The following SRP72 variants were observed in gnomAD, a reference collection of about 807,000 sequenced individuals.
SRP72 encodes signal recognition particle 72.
SRP72 carries 49 observed loss-of-function variants against 96.3 expected under a neutral mutation model. The observed-to-expected ratio is 0.51, with a 90% confidence interval of 0.40 to 0.65. The LOEUF is 0.65. SRP72 is among the 30% of genes least tolerant of loss of function. The probability of loss-of-function intolerance (pLI) is 0.00; values close to 1 mark genes in which losing one functional copy is unlikely to be tolerated. For synonymous variants in SRP72, 267 were observed against 275.2 expected (o/e 0.97, Z 0.30); for missense variants, 736 against 793.3 (o/e 0.93, Z 0.87).
rs1223010513 is a variant in SRP72 at position 56,502,473 on chromosome 4, ATATATATATG to A, written c.*622_*631del. On this transcript the variant is annotated 3_prime_UTR_variant, in exon 19 of 19. Coordinates refer to ENST00000642900, the MANE Select transcript of SRP72 (RefSeq NM_006947.4). ...TGGGATACTTTTCATGTTTATATAT[ATATATATATG>A]TATATATATATACATATATATATAT... The A allele has an allele frequency of 4.8e-5, 5 of 104,914 alleles. No individual in the cohort carries two copies. The highest frequency in any genetic ancestry group is 2.9e-4 in the South Asian group (1 of 3,478). The allele number at this position is 104,914 out of a possible 1,614,324, so 6.5% of individuals were successfully genotyped here. A position where few individuals can be genotyped will look rare whatever the true frequency, so the allele number is the denominator to read the frequency against.
chr4:56,482,606 C>T (rs1720546930), intron 8 of SRP72, among the ~76,000 whole-genome samples: 1 of 152,108 alleles, frequency 6.6e-6, no homozygotes, highest in African/African-American at 2.4e-5. Flanking sequence ...AGTCTGGAAC[C>T]AAACACGAAA....
At chr4:56,478,199 T>C (rs1404037184) in intron 6 of SRP72, among the ~76,000 whole-genome samples, 180 bp from the exon 7 acceptor site, 1 of 151,690 alleles carries the variant, frequency 6.6e-6, no homozygotes, top group Non-Finnish European at 1.5e-5. Context: ...AGTTGAAGTC[T>C]TTTTGCTGTT....
At chr4:56,479,718 CA>C in intron 8 of SRP72, among the ~76,000 whole-genome samples, 1 of 150,612 alleles carries the variant, frequency 6.6e-6, no homozygotes, top group South Asian at 2.1e-4. Context: ...CTGGGCTCAA[CA>C]AATCCTCCTG....
intron 17 of SRP72, among the ~76,000 whole-genome samples, 183 bp downstream of exon 17, chr4:56,495,577 C>T (rs1280881037): frequency 6.6e-6 from 1 of 152,140 alleles, no homozygotes; most frequent in Non-Finnish European, 1.5e-5. Context: ...CACTAGTTTG[C>T]CTAAATTCAA....
intron 17 of SRP72, among the ~76,000 whole-genome samples, 184 bp downstream of exon 17, chr4:56,495,578 C>T (rs1000599939): frequency 6.6e-6 from 1 of 152,078 alleles, no homozygotes; most frequent in Admixed American, 6.6e-5. Context: ...ACTAGTTTGC[C>T]TAAATTCAAA....
chr4:56,474,006 A>G (rs370497406), intron 3 of SRP72, 48 bp from the exon 4 acceptor site: 7 of 1,578,714 alleles, frequency 4.4e-6, no homozygotes, highest in South Asian at 1.2e-5. Flanking sequence ...TATTAAAGAC[A>G]TAACACCATA....
At chr4:56,471,419 A>G (rs1719968679) in intron 2 of SRP72, among the ~76,000 whole-genome samples, 1 of 152,250 alleles carries the variant, frequency 6.6e-6, no homozygotes, top group Non-Finnish European at 1.5e-5. Context: ...TTATCTTTGT[A>G]TCTAAGACAA....
chr4:56,478,437 A>G lies in SRP72; in HGVS notation c.701A>G (p.Tyr234Cys), dbSNP rs542410206. 1 of 1,613,694 alleles carries G rather than the reference A, an allele frequency of 6.2e-7. No homozygotes were observed. The highest frequency in any genetic ancestry group is 1.1e-5 in the South Asian group (1 of 91,052). Residue 234 changes from tyrosine to cysteine, a missense_variant, in exon 7 of 19, where the codon TAT becomes TGT. Transcript: ENST00000642900. ...GCCATCATTCATGGTCAGATGGCTT[A>G]TATTCTGCAGCTTCAGGGTCGAACA... is the stretch of plus-strand genomic sequence containing the variant. ...ELAIIHGQMA[Y>C]ILQLQGRTEE... is the part of the protein sequence containing the mutation.
At position 56,503,384 on chromosome 4, in the gene SRP72, C is replaced by T. The variant is rs1175294584; in HGVS notation, c.*1523C>T. On this transcript the variant is annotated 3_prime_UTR_variant, in exon 19 of 19. Transcript: ENST00000642900. Reference sequence around the variant, plus strand: ...CATCATTGAAAATTTTGACCCAAGGCACAGCAGTGAAATTTATAGTTCTCA... The same window carrying T: ...CATCATTGAAAATTTTGACCCAAGGTACAGCAGTGAAATTTATAGTTCTCA... The T allele has an allele frequency of 2.0e-5, 3 of 152,168 alleles. No individual in the cohort carries two copies. Among genetic ancestry groups the T allele is most frequent in the Non-Finnish European group, 4.4e-5 (3 of 68,036 alleles). The allele number at this position is 152,168 out of a possible 1,614,324, so 9.4% of individuals were successfully genotyped here. A position where few individuals can be genotyped will look rare whatever the true frequency, so the allele number is the denominator to read the frequency against.
At chr4:56,482,342 G>A (rs1439135772) in intron 8 of SRP72, among the ~76,000 whole-genome samples, 1 of 151,646 alleles carries the variant, frequency 6.6e-6, no homozygotes, top group Non-Finnish European at 1.5e-5. Flanking sequence ...CAGCTACTCG[G>A]GAGACTGAGG....
In SRP72 at chr4:56,502,032, T is replaced by G; in HGVS notation, c.*171T>G. On this transcript the variant is annotated 3_prime_UTR_variant, in exon 19 of 19. Coordinates refer to ENST00000642900, the MANE Select transcript of SRP72 (RefSeq NM_006947.4). Reference sequence around the variant, plus strand: ...CTTCCTCAAAGTCTGCCTAGTGAGATATGGCCTACTGGTTGCCTCATAGCT... The same window carrying G: ...CTTCCTCAAAGTCTGCCTAGTGAGAGATGGCCTACTGGTTGCCTCATAGCT... 1.4e-6 allele frequency: 1 copy of G among 701,764 alleles called. No homozygotes were observed. Among genetic ancestry groups the G allele is most frequent in the Non-Finnish European group, 2.4e-6 (1 of 417,874 alleles). 43.5% of individuals were successfully genotyped at this position (701,764 alleles called of 1,614,324 possible).
At chr4:56,477,253 A>G (rs1339018571) in intron 6 of SRP72, 6 of 146,750 alleles carry the variant, frequency 4.1e-5, no homozygotes, top group South Asian at 2.1e-4. Context: ...CATGATTTAC[A>G]TTGAAATATG....
chr4:56,500,383 C>A, intron 17 of SRP72, 153 bp from the exon 18 acceptor site: 2 of 782,404 alleles, frequency 2.6e-6, no homozygotes, highest in East Asian at 2.8e-5. Context: ...AAAAAAAGAC[C>A]ATTTCGCCTG....
intron 5 of SRP72, chr4:56,476,452 G>A (rs775925782): frequency 2.2e-5 from 12 of 537,584 alleles, no homozygotes; most frequent in Non-Finnish European, 3.9e-5. Context: ...TTTTAGCACA[G>A]ACACAACAAA....
At position 56,474,344 on chromosome 4, in the gene SRP72, G is replaced by C. The variant is rs75524474; in HGVS notation, c.563G>C (p.Gly188Ala). 3 of 1,613,996 alleles carry C rather than the reference G, an allele frequency of 1.9e-6. No homozygotes were observed. In the African/African-American group the frequency reaches 4.0e-5, roughly 22 times the overall value. Residue 188 changes from glycine (G) to alanine (A), a missense_variant, in exon 5 of 19, where the codon GGC (glycine) becomes GCC (alanine). Gly to Ala is a moderately conservative substitution (Grantham distance 60, BLOSUM62 0). Transcript: ENST00000642900. ...TACAACACTGCATGTGCACTGATAG[G>C]CCAAGGCCAGCTGAACCAGGCCATG... The part of the protein sequence containing the change: ...LCYNTACALI[G>A]QGQLNQAMKI...
chr4:56,498,115 T>A (rs931579830), intron 17 of SRP72, among the ~76,000 whole-genome samples: 2 of 152,188 alleles, frequency 1.3e-5, no homozygotes, highest in Admixed American at 1.3e-4. Context: ...AAATGAAGAT[T>A]TTAACATTTT....
At chr4:56,476,428 C>T in intron 5 of SRP72, 1 of 492,536 alleles carries the variant, frequency 2.0e-6, no homozygotes, top group South Asian at 3.3e-5. Context: ...TTTTTTAATG[C>T]ACTTTACAAA....
chr4:56,483,091 G>A, intron 8 of SRP72, 48 bp from the exon 9 acceptor site: 1 of 1,563,148 alleles, frequency 6.4e-7, no homozygotes, highest in East Asian at 2.3e-5. Flanking sequence ...AAAGGAATAA[G>A]TTGAAATCTG....
At chr4:56,467,964 A>T (rs1383357292) in intron 1 of SRP72, among the ~76,000 whole-genome samples, 1 of 152,200 alleles carries the variant, frequency 6.6e-6, no homozygotes, top group Non-Finnish European at 1.5e-5. Flanking sequence ...GCTTACAGCC[A>T]CGTGTACTTC....
Sources: gnomAD v4.1 joint callset for allele counts (sites outside exome capture counted in the v4.1 genomes callset) on GRCh38, gnomAD v4.1.1 for gene constraint, MANE v1.5 for transcripts, NCBI Gene and HGNC (gene_info 2026-07-23, HGNC 2026-07-21) for gene names.